The following DPYSL5 variants were observed in gnomAD, a reference collection of about 807,000 sequenced individuals.
The protein encoded by DPYSL5 is dihydropyrimidinase like 5.
DPYSL5 carries 9 observed loss-of-function variants against 58.4 expected under a neutral mutation model. The observed-to-expected ratio is 0.15, with a 90% confidence interval of 0.09 to 0.27. The LOEUF is 0.27. Ranked by LOEUF, DPYSL5 falls within the 10% of genes least tolerant of loss-of-function variation. The probability of loss-of-function intolerance (pLI) is 1.00; values close to 1 mark genes in which losing one functional copy is unlikely to be tolerated. For synonymous variants in DPYSL5, 293 were observed against 301.9 expected (o/e 0.97, Z 0.31); for missense variants, 499 against 770.6 (o/e 0.65, Z 4.17).
In DPYSL5 at chr2:26,946,963, C is replaced by T; in HGVS notation, c.1663C>T (p.Pro555Ser). 6.2e-7 allele frequency: 1 copy of T among 1,614,098 alleles called. No homozygotes were observed. The highest frequency in any genetic ancestry group is 1.1e-5 in the South Asian group (1 of 91,062). The stretch of plus-strand genomic sequence containing the variant: ...GCGAGCTTCAGCTCGGATCCTCGCT[C>T]CTCCCGGAGGCAGGTCGAGTGGCAT... ...PKRASARILA[P>S]PGGRSSGIW The change falls in exon 13 of 13, where the codon CCT (proline) becomes TCT (serine). Residue 555 changes from proline to serine, a missense_variant. By Grantham distance (74) the Pro-to-Ser change is moderately conservative. Around this residue, in one of 3 missense-constraint regions of DPYSL5, gnomAD observed 33 missense variants for 63.8 expected, o/e 0.52. Coordinates refer to ENST00000288699, the MANE Select transcript of DPYSL5 (RefSeq NM_020134.4).
intron 1 of DPYSL5, among the ~76,000 whole-genome samples, chr2:26,882,788 C>A (rs1663607101): frequency 6.6e-6 from 1 of 151,640 alleles, no homozygotes. Flanking sequence ...TGGGGTGCAC[C>A]TATAATTCCA....
rs757960238 is a variant in DPYSL5 at position 26,942,645 on chromosome 2, C to G, written c.1335C>G (p.Val445=). 8.7e-6 allele frequency: 14 copies of G among 1,614,020 alleles called. No homozygotes were observed. Among genetic ancestry groups the G allele is most frequent in the Non-Finnish European group, 1.2e-5 (14 of 1,180,042 alleles). Residue 445 remains valine (V), a synonymous_variant, in exon 11 of 13, where the codon GTC becomes GTG. Coordinates refer to ENST00000288699, the MANE Select transcript of DPYSL5 (RefSeq NM_020134.4). This position sits in a 1 kb window ranked among gnomAD's most constrained non-coding sequence, Gnocchi z 5.9. ...VPLVTISRGR[V]VYENGVFMCA... ...TGGTCACCATCAGCCGGGGGCGCGT[C>G]GTGTATGAGAACGGCGTCTTCATGT... is the stretch of plus-strand genomic sequence containing the variant.
At position 26,849,799 on chromosome 2, in the gene DPYSL5, GC is replaced by G. The variant is rs1665701102; in HGVS notation, c.-5+1547del. ...GTGCTGGCTTTGGGGTTTTATGGGG[GC>G]CTGGCCACGCCGGGAATCCCGTGTG... On this transcript the variant is annotated intron_variant, in intron 1 of 12. Transcript: ENST00000288699. This position sits in a 1 kb window ranked among gnomAD's most constrained non-coding sequence, Gnocchi z 6.2. 6.6e-6 allele frequency among the ~76,000 whole-genome samples: 1 copy of G among 152,218 alleles called. No individual in the cohort carries two copies. Among genetic ancestry groups the G allele is most frequent in the Admixed American group, 6.5e-5 (1 of 15,292 alleles).
Position 26,942,105 on chromosome 2 carries a change from G to C in DPYSL5, c.1232+13G>C. On this transcript the variant is annotated intron_variant, in intron 10 of 12. Transcript: ENST00000288699. This position sits in a 1 kb window ranked among gnomAD's most constrained non-coding sequence, Gnocchi z 5.9. ...CAGAAGCCACAAAGTAAAGTTTGTTGCTCGTCCCCAGGGCTAGAGGGGCTT... is the reference window on the plus strand; with the variant it reads ...CAGAAGCCACAAAGTAAAGTTTGTTCCTCGTCCCCAGGGCTAGAGGGGCTT... 6.2e-7 allele frequency: 1 copy of C among 1,614,092 alleles called. No homozygotes were observed. The highest frequency in any genetic ancestry group is 8.5e-7 in the Non-Finnish European group (1 of 1,179,982).
chr2:26,906,341 G>A (rs926442351), intron 2 of DPYSL5, among the ~76,000 whole-genome samples: 3 of 151,828 alleles, frequency 2.0e-5, no homozygotes, highest in Non-Finnish European at 4.4e-5. Context: ...CTGCCACCAC[G>A]CCCAGCTAAT....
Position 26,942,509 on chromosome 2 carries a change from A to T in DPYSL5, c.1233-34A>T. The stretch of plus-strand genomic sequence containing the variant: ...AGCTGTGACATTTTGACCTGTCCTC[A>T]GCGCTTTCTCTCCCGCCATTGCCTC... On this transcript the variant is annotated intron_variant, in intron 10 of 12. Coordinates refer to ENST00000288699, the MANE Select transcript of DPYSL5 (RefSeq NM_020134.4). This position sits in a 1 kb window ranked among gnomAD's most constrained non-coding sequence, Gnocchi z 5.9. 1.3e-6 allele frequency: 2 copies of T among 1,598,220 alleles called. No individual in the cohort carries two copies. Among genetic ancestry groups the T allele is most frequent in the East Asian group, 4.5e-5 (2 of 44,408 alleles).
At chr2:26,923,945 C>G (rs912390383) in intron 2 of DPYSL5, among the ~76,000 whole-genome samples, 20 of 152,194 alleles carry the variant, frequency 1.3e-4, no homozygotes, top group African/African-American at 4.6e-4. Flanking sequence ...CAGGTGTGAG[C>G]CACTGCACCC....
chr2:26,913,952 T>TAAAAA (rs71401539), intron 2 of DPYSL5, among the ~76,000 whole-genome samples: 1 of 132,314 alleles, frequency 7.6e-6, no homozygotes, highest in Non-Finnish European at 1.6e-5. Flanking sequence ...TTCCAAAATG[T>TAAAAA]AAAAAAAAAA....
chr2:26,900,050 ATTG>A (rs905062363), intron 2 of DPYSL5, among the ~76,000 whole-genome samples: 7 of 152,170 alleles, frequency 4.6e-5, no homozygotes, highest in African/African-American at 7.2e-5. Context: ...GCCTGCGGTT[ATTG>A]TTGTCATTTT....
chr2:26,858,352 T>C (rs1050811217), intron 1 of DPYSL5, among the ~76,000 whole-genome samples: 1 of 151,986 alleles, frequency 6.6e-6, no homozygotes, highest in Non-Finnish European at 1.5e-5. Context: ...TTTGTAGTTT[T>C]AGTAAAGACG....
rs1037505186 is a variant in DPYSL5 at position 26,934,335 on chromosome 2, A to G, written c.791-243A>G. Among the ~76,000 whole-genome samples the G allele has an allele frequency of 6.6e-6, 1 of 152,076 alleles. No homozygotes were observed. The highest frequency in any genetic ancestry group is 2.4e-5 in the African/African-American group (1 of 41,418). ...TCATCTGGCCAAACCAGACTCCTCA[A>G]AGTGCCGCTTGGTCCTGCTGGGCCT... On this transcript the variant is annotated intron_variant, in intron 7 of 12. Coordinates refer to ENST00000288699, the MANE Select transcript of DPYSL5 (RefSeq NM_020134.4). The surrounding 1 kb of genome is among the most constrained non-coding windows in gnomAD (Gnocchi z 4.3).
chr2:26,921,224 C>T (rs543180584), intron 2 of DPYSL5, among the ~76,000 whole-genome samples: 1 of 152,280 alleles, frequency 6.6e-6, no homozygotes, highest in South Asian at 2.1e-4. Context: ...AATAGCTCGG[C>T]CTGGCGTGGT....
At chr2:26,850,201 T>G (rs1490696964) in intron 1 of DPYSL5, among the ~76,000 whole-genome samples, 1 of 152,200 alleles carries the variant, frequency 6.6e-6, no homozygotes, top group Non-Finnish European at 1.5e-5. Context: ...CCAGTGCTTT[T>G]CTTTGCCAGT....
At chr2:26,943,978 G>C (rs1665394211) in intron 11 of DPYSL5, among the ~76,000 whole-genome samples, 1 of 152,084 alleles carries the variant, frequency 6.6e-6, no homozygotes, top group Admixed American at 6.6e-5. Flanking sequence ...ACGTTGCGCT[G>C]TGTGGGAGGG....
At chr2:26,907,359 A>T (rs1426069163) in intron 2 of DPYSL5, among the ~76,000 whole-genome samples, 1 of 150,758 alleles carries the variant, frequency 6.6e-6, no homozygotes, top group Non-Finnish European at 1.5e-5. Context: ...AGTGATCCAT[A>T]AGCCTCAGCC....
intron 1 of DPYSL5, among the ~76,000 whole-genome samples, chr2:26,869,065 A>G (rs1663190968): frequency 6.6e-6 from 1 of 152,162 alleles, no homozygotes; most frequent in South Asian, 2.1e-4. Context: ...CCTGGGCTCA[A>G]GCGATCCTCC....
chr2:26,858,393 G>A (rs1440220576), intron 1 of DPYSL5, among the ~76,000 whole-genome samples: 3 of 151,964 alleles, frequency 2.0e-5, no homozygotes, highest in Non-Finnish European at 4.4e-5. Flanking sequence ...GGATGGTCTT[G>A]ATCTCCTGAC....
intron 1 of DPYSL5, among the ~76,000 whole-genome samples, chr2:26,882,479 A>C (rs1663600110): frequency 6.6e-6 from 1 of 151,456 alleles, no homozygotes; most frequent in African/African-American, 2.4e-5. Context: ...ACAGGGTGTC[A>C]CTATGTTGCC....
chr2:26,904,348 T>A (rs887141904), intron 2 of DPYSL5, among the ~76,000 whole-genome samples: 1 of 152,244 alleles, frequency 6.6e-6, no homozygotes, highest in Non-Finnish European at 1.5e-5. Flanking sequence ...TCTCGTGGAA[T>A]GAAGCCTATA....
Sources: gnomAD v4.1 joint callset for allele counts (sites outside exome capture counted in the v4.1 genomes callset) on GRCh38, gnomAD v4.1.1 for gene constraint, gnomAD v4.1.1 regional missense constraint, Gnocchi (gnomAD v3.1) non-coding constraint, MANE v1.5 for transcripts, NCBI Gene and HGNC (gene_info 2026-07-23, HGNC 2026-07-21) for gene names.